Variants in RASEF observed in about 807,000 individuals in gnomAD.
RASEF encodes RAS and EF-hand domain containing.
RASEF carries 68 observed loss-of-function variants against 90.1 expected under a neutral mutation model. The observed-to-expected ratio is 0.75, with a 90% CI of 0.62 to 0.92. The LOEUF (loss-of-function observed/expected upper bound fraction) is 0.92, where lower values mean the gene tolerates loss of function less well. RASEF is among the 40% of genes least tolerant of loss of function. The probability of loss-of-function intolerance (pLI) is 0.00; values close to 1 mark genes in which losing one functional copy is unlikely to be tolerated. For missense variants in RASEF, 949 were observed against 937.2 expected (o/e 1.01, Z -0.16); for synonymous variants, 331 against 345.2 (o/e 0.96, Z 0.46).
At chr9:83,158,916 G>C in the RASEF span, among the ~76,000 whole-genome samples, 1 of 151,986 alleles carries the variant, frequency 6.6e-6, no homozygotes, top group Admixed American at 6.6e-5. Flanking sequence ...TGAGGGCACA[G>C]TGGCTCACGC....
chr9:83,144,326 G>GGAAAGAGAGAAAGAAA, the RASEF span, among the ~76,000 whole-genome samples: 1 of 39,436 alleles, frequency 2.5e-5, no homozygotes, highest in Admixed American at 3.1e-4. Flanking sequence ...AAAGAAAGAA[G>GGAAAGAGAGAAAGAAA]GAAAGAAAGA....
chr9:83,170,033 T>A, the RASEF span, among the ~76,000 whole-genome samples: 1 of 152,196 alleles, frequency 6.6e-6, no homozygotes, highest in South Asian at 2.1e-4. Flanking sequence ...TTCCCCAATA[T>A]TTTCTTCAAG....
At chr9:83,041,816 A>T (rs1237496532) in intron 1 of RASEF, among the ~76,000 whole-genome samples, 1 of 152,244 alleles carries the variant, frequency 6.6e-6, no homozygotes, top group East Asian at 1.9e-4. Context: ...ACTTTGGCAC[A>T]TTATTCAAGG....
chr9:83,082,061 T>C, the RASEF span, among the ~76,000 whole-genome samples: 1 of 152,080 alleles, frequency 6.6e-6, no homozygotes, highest in Non-Finnish European at 1.5e-5. Flanking sequence ...CAGTAAGAGA[T>C]TGAAAATGTG....
At chr9:83,154,761 C>T in the RASEF span, among the ~76,000 whole-genome samples, 16 of 152,302 alleles carry the variant, frequency 1.1e-4, no homozygotes, top group South Asian at 3.3e-3. Flanking sequence ...TATTTTCTTC[C>T]TGCTTGCTTT....
the RASEF span, among the ~76,000 whole-genome samples, chr9:83,150,370 C>A: frequency 2.0e-5 from 3 of 152,076 alleles, no homozygotes; most frequent in Non-Finnish European, 4.4e-5. Flanking sequence ...GTCTTTCTGA[C>A]AACCACCCCC....
chr9:83,017,584 T>A (rs1299692094), intron 3 of RASEF, among the ~76,000 whole-genome samples: 1 of 152,152 alleles, frequency 6.6e-6, no homozygotes, highest in Admixed American at 6.5e-5. Flanking sequence ...GACAGGTAGA[T>A]GCTGAGAGAT....
the RASEF span, among the ~76,000 whole-genome samples, chr9:83,096,219 A>G: frequency 3.3e-5 from 5 of 152,198 alleles, no homozygotes; most frequent in Non-Finnish European, 5.9e-5. Flanking sequence ...AAGCAAGAAA[A>G]GAATTCTGTT....
intron 16 of RASEF, among the ~76,000 whole-genome samples, chr9:82,989,221 C>CGT (rs1662559683): frequency 8.5e-6 from 1 of 117,050 alleles, no homozygotes; most frequent in Admixed American, 8.9e-5. Context: ...TGTATGTGTG[C>CGT]ATGTGTGCGT....
At chr9:83,000,859 T>C (rs1462217211) in intron 10 of RASEF, 37 bp downstream of exon 10, 4 of 1,523,442 alleles carry the variant, frequency 2.6e-6, no homozygotes, top group Non-Finnish European at 2.7e-6. Context: ...TTCAATCACG[T>C]AGAAGGCCTA....
the RASEF span, among the ~76,000 whole-genome samples, chr9:83,164,283 A>G: frequency 6.7e-6 from 1 of 149,162 alleles, no homozygotes. Flanking sequence ...GACCTAACAG[A>G]TAATAGTCCG....
chr9:83,190,327 T>A, the RASEF span, among the ~76,000 whole-genome samples: 839 of 152,326 alleles, frequency 5.5e-3, 4 homozygotes, highest in African/African-American at 0.018. Context: ...GATTTTTTTT[T>A]AAACTAAACC....
chr9:83,099,443 A>G, the RASEF span, among the ~76,000 whole-genome samples: 1 of 152,188 alleles, frequency 6.6e-6, no homozygotes, highest in African/African-American at 2.4e-5. Context: ...ACGCTAAGTT[A>G]TTTTCTCATA....
At chr9:83,056,339 A>T (rs913443258) in intron 1 of RASEF, among the ~76,000 whole-genome samples, 1 of 152,214 alleles carries the variant, frequency 6.6e-6, no homozygotes, top group African/African-American at 2.4e-5. Context: ...ACAACCTCAT[A>T]TGAGACTAAT....
chr9:83,062,338 T>A (rs927712895), intron 1 of RASEF, 99 bp downstream of exon 1: 1 of 748,410 alleles, frequency 1.3e-6, no homozygotes, highest in Non-Finnish European at 1.8e-6. Context: ...CAGAGAAGAC[T>A]AGGGGGGGGG....
the RASEF span, among the ~76,000 whole-genome samples, chr9:83,217,903 T>C: frequency 6.6e-6 from 1 of 152,348 alleles, no homozygotes; most frequent in East Asian, 1.9e-4. Flanking sequence ...TAAATGTTAC[T>C]TATGTTTCCT....
the RASEF span, among the ~76,000 whole-genome samples, chr9:83,183,534 C>T: frequency 9.1e-3 from 1,383 of 152,116 alleles, 15 homozygotes; most frequent in African/African-American, 0.03. Context: ...TTTAGAAAAA[C>T]GAAATTAATC....
At chr9:83,033,968 TGA>T (rs1284246011) in intron 1 of RASEF, among the ~76,000 whole-genome samples, 1 of 152,204 alleles carries the variant, frequency 6.6e-6, no homozygotes, top group Non-Finnish European at 1.5e-5. Context: ...TTCTCCCATA[TGA>T]GTTAAATAAA....
the RASEF span, chr9:83,219,182 T>C: frequency 6.6e-6 from 1 of 152,174 alleles, no homozygotes; most frequent in Non-Finnish European, 1.5e-5. Flanking sequence ...GAGAATTCCG[T>C]CCCCACTTGC....
Sources: allele counts gnomAD v4.1 joint callset (sites outside exome capture counted in the v4.1 genomes callset), GRCh38; gene constraint gnomAD v4.1.1; transcripts MANE v1.5; gene names NCBI Gene and HGNC (gene_info 2026-07-23, HGNC 2026-07-21).